The following OPHN1 variants were observed in gnomAD, a reference collection of about 807,000 sequenced individuals.
OPHN1 encodes oligophrenin 1.
OPHN1 carries 11 observed loss-of-function variants against 60.7 expected under a neutral mutation model. The ratio of observed to expected loss-of-function variants is 0.18; its 90% CI spans 0.11 to 0.30. The LOEUF (loss-of-function observed/expected upper bound fraction) is 0.30. Among genes scored for constraint, OPHN1 ranks in the 10% least tolerant of loss-of-function variants. OPHN1 has a pLI of 1.00. For synonymous variants in OPHN1, 226 were observed against 222.6 expected, an observed-to-expected ratio of 1.02 and a Z score of -0.14; for missense variants, 449 against 611.0, an observed-to-expected ratio of 0.73 and a Z score of 2.80.
At chrX:68,143,405 T>C (rs1459957024) in intron 15 of OPHN1, among the ~76,000 whole-genome samples, 3 of 111,260 alleles carry the variant, frequency 2.7e-5, no homozygotes, top group Non-Finnish European at 3.8e-5. Flanking sequence ...AATGTTTTTA[T>C]GTTTTTGACA....
rs59158615 is a variant in OPHN1 at position 68,189,981 on chromosome X, G to GA, written c.1276+2937dup. 9.1e-3 allele frequency among the ~76,000 whole-genome samples: 892 copies of GA among 97,968 alleles called. 6 individuals are homozygous for GA. The highest frequency in any genetic ancestry group is 0.029 in the African/African-American group (791 of 27,217). 85.1% of individuals were successfully genotyped at this position (97,968 alleles called of 115,157 possible). On this transcript the variant is annotated intron_variant, in intron 15 of 24. Coordinates refer to ENST00000355520, the MANE Select transcript of OPHN1 (RefSeq NM_002547.3). The stretch of plus-strand genomic sequence containing the variant: ...GACTAGCACAGAGCATGAGACATAA[G>GA]AAAAAAAAAAAGAGGGAGAGATGTT...
chrX:68,372,635 A>T (rs1373783505), intron 2 of OPHN1, among the ~76,000 whole-genome samples: 2 of 111,195 alleles, frequency 1.8e-5, no homozygotes, highest in African/African-American at 6.5e-5. Context: ...TTGGAGATGT[A>T]CACATAAAAC....
At chrX:68,155,580 G>A (rs367931758) in intron 15 of OPHN1, among the ~76,000 whole-genome samples, 2 of 111,965 alleles carry the variant, frequency 1.8e-5, no homozygotes, top group Non-Finnish European at 3.8e-5. Context: ...ACCCAGTCTC[G>A]GGTAGTATCT....
At position 68,123,181 on chromosome X, in the gene OPHN1, A is replaced by C. The variant is rs1416216412; in HGVS notation, c.1277-3849T>G. ...AGGCCAAGAGAGAGTGGCATGACAT[A>C]AAGTGCTGAAGAAGAAAAACTCTTA... On this transcript the variant is annotated intron_variant, in intron 15 of 24. Coordinates refer to ENST00000355520, the MANE Select transcript of OPHN1 (RefSeq NM_002547.3). Among the ~76,000 whole-genome samples, 10 of 111,634 alleles carry C rather than the reference A, an allele frequency of 9.0e-5. No homozygotes were observed. The Admixed American group carries it at 9.5e-4, about 11-fold the overall frequency.
chrX:68,414,153 G>T (rs923550885), intron 2 of OPHN1, among the ~76,000 whole-genome samples: 5 of 111,927 alleles, frequency 4.5e-5, no homozygotes, highest in African/African-American at 6.5e-5. Flanking sequence ...ACTAAAGATT[G>T]TTCCCTTTCT....
chrX:68,386,298 T>C (rs1330987084), intron 2 of OPHN1, among the ~76,000 whole-genome samples: 3 of 111,735 alleles, frequency 2.7e-5, no homozygotes, highest in South Asian at 3.7e-4. Flanking sequence ...TTTGAGAAGA[T>C]GGCTTTGGGA....
At chrX:68,277,886 T>C (rs1037415753) in intron 4 of OPHN1, among the ~76,000 whole-genome samples, 1 of 112,408 alleles carries the variant, frequency 8.9e-6, no homozygotes. Context: ...GTGTACATAC[T>C]ACTTTCTAAA....
chrX:68,318,573 G>A (rs2078220460), intron 2 of OPHN1, among the ~76,000 whole-genome samples: 1 of 112,371 alleles, frequency 8.9e-6, no homozygotes, highest in African/African-American at 3.2e-5. Flanking sequence ...TTCAAAGAGA[G>A]TACAGTTCCC....
At chrX:68,237,271 C>G (rs759500045) in intron 5 of OPHN1, among the ~76,000 whole-genome samples, 1 of 112,839 alleles carries the variant, frequency 8.9e-6, no homozygotes, top group East Asian at 2.8e-4. Flanking sequence ...AGGCGTGAGC[C>G]ACAACGCCCG....
intron 2 of OPHN1, among the ~76,000 whole-genome samples, chrX:68,397,287 T>A (rs924094030): frequency 2.3e-4 from 26 of 110,834 alleles, no homozygotes; most frequent in African/African-American, 8.2e-4. Context: ...GGCTAAAGGA[T>A]TCCCAGAGTT....
chrX:68,390,005 C>T (rs1022554640), intron 2 of OPHN1, among the ~76,000 whole-genome samples: 3 of 111,295 alleles, frequency 2.7e-5, no homozygotes, highest in East Asian at 2.8e-4. Context: ...GAAGCAAACA[C>T]GTCCTTCTTA....
chrX:68,274,687 A>C (rs1242995493), intron 5 of OPHN1, 51 bp downstream of exon 5: 9 of 852,083 alleles, frequency 1.1e-5, no homozygotes, highest in Non-Finnish European at 1.6e-5. Flanking sequence ...TAGCCCATAC[A>C]ACTATTCGAT....
At chrX:68,077,823 T>C (rs1414482739) in intron 19 of OPHN1, among the ~76,000 whole-genome samples, 1 of 111,960 alleles carries the variant, frequency 8.9e-6, no homozygotes, top group Non-Finnish European at 1.9e-5. Context: ...TAAAACATAA[T>C]AAAAATGAAA....
chrX:68,149,090 T>A (rs956969092), intron 15 of OPHN1, among the ~76,000 whole-genome samples: 1 of 111,135 alleles, frequency 9.0e-6, no homozygotes, highest in Non-Finnish European at 1.9e-5. Context: ...ATTCCCAAAT[T>A]CAGAAATGTC....
chrX:68,433,516 C>T (rs1254644516), upstream of OPHN1: 1 of 286,447 alleles, frequency 3.5e-6, no homozygotes, highest in Non-Finnish European at 6.1e-6. Context: ...CGCGGGCAAC[C>T]CGGATTGCAC....
At chrX:68,115,497 G>A (rs2077123296) in intron 16 of OPHN1, among the ~76,000 whole-genome samples, 1 of 112,286 alleles carries the variant, frequency 8.9e-6, no homozygotes. Context: ...CAAAAAGCAA[G>A]TGATTCAGCA....
chrX:68,390,229 A>AT (rs1450333923), intron 2 of OPHN1, among the ~76,000 whole-genome samples: 2 of 111,586 alleles, frequency 1.8e-5, no homozygotes, highest in Non-Finnish European at 3.8e-5. Context: ...TAGCCAAACT[A>AT]TATCAGTACG....
intron 18 of OPHN1, among the ~76,000 whole-genome samples, chrX:68,106,056 G>GCA (rs994788652): frequency 3.0e-5 from 3 of 99,875 alleles, no homozygotes; most frequent in South Asian, 9.5e-4. Flanking sequence ...AAAAATGCAT[G>GCA]CACACACACA....
chrX:68,291,459 A>AAAGCCTATG (rs1166528163), intron 3 of OPHN1, among the ~76,000 whole-genome samples: 1 of 111,647 alleles, frequency 9.0e-6, no homozygotes, highest in African/African-American at 3.3e-5. Context: ...AAAGGTACAA[A>AAAGCCTATG]AAGCCTATGA....
Sources: allele counts gnomAD v4.1 joint callset (sites outside exome capture counted in the v4.1 genomes callset), GRCh38; gene constraint gnomAD v4.1.1; transcripts MANE v1.5; gene names NCBI Gene and HGNC (gene_info 2026-07-23, HGNC 2026-07-21).